The following CEP95 variants were observed in gnomAD, a reference collection of about 807,000 sequenced individuals.
CEP95 encodes centrosomal protein 95, also known as centrosomal protein of 95 kDa.
CEP95 carries 98 observed loss-of-function variants against 111.2 expected under a neutral mutation model. That is an observed-to-expected ratio of 0.88 (90% CI 0.75 to 1.04). The LOEUF (loss-of-function observed/expected upper bound fraction) is 1.04. Ranked by LOEUF, CEP95 falls within the 50% of genes least tolerant of loss-of-function variation. CEP95 has a pLI of 0.00. For missense variants in CEP95, 1,027 were observed against 977.2 expected, an observed-to-expected ratio of 1.05 and a Z score of -0.68; for synonymous variants, 323 against 327.1, an observed-to-expected ratio of 0.99 and a Z score of 0.14.
chr17:64,515,617 G>A (rs1349374628), intron 4 of CEP95: 11 of 152,130 alleles, frequency 7.2e-5, no homozygotes, highest in African/African-American at 2.4e-4. Context: ...AGGGGAGATC[G>A]GCAGTATGTG....
rs548148730 is a variant in CEP95, at chr17:64,511,823, G to C, written c.256+1543G>C. On this transcript the variant is annotated intron_variant, in intron 3 of 19. Coordinates refer to ENST00000556440, the MANE Select transcript of CEP95 (RefSeq NM_138363.3). ...AAGACAGGCATAAGAAGTTATAAAA[G>C]TATTAATTTGGGGAACTAATAAATG... Among the ~76,000 whole-genome samples the C allele has an allele frequency of 1.2e-4, 18 of 152,298 alleles. No individual in the cohort carries two copies. In the South Asian group the frequency reaches 3.7e-3, roughly 32 times the overall value.
chr17:64,508,020 C>A (rs2038665153), intron 1 of CEP95: 1 of 984,668 alleles, frequency 1.0e-6, no homozygotes, highest in African/African-American at 1.8e-5. Context: ...TCATATAGAT[C>A]GATATAATAA....
chr17:64,506,777 C>G, upstream of CEP95: 1 of 529,006 alleles, frequency 1.9e-6, no homozygotes, highest in Non-Finnish European at 3.4e-6. Context: ...GCTCGCACCC[C>G]GGGACCCGCC....
chr17:64,531,510 C>A (rs1379029168), intron 13 of CEP95, among the ~76,000 whole-genome samples: 2 of 152,068 alleles, frequency 1.3e-5, no homozygotes, highest in Non-Finnish European at 2.9e-5. Flanking sequence ...AGTATGGTTA[C>A]AACTAAGCAT....
At chr17:64,508,829 GTTTC>G (rs2038730752) in intron 2 of CEP95, 109 bp downstream of exon 2, 2 of 368,678 alleles carry the variant, frequency 5.4e-6, no homozygotes, top group East Asian at 5.4e-5. Context: ...CTCTTTGCTT[GTTTC>G]TTTTTTTAAT....
At chr17:64,522,571 G>A (rs1197390654) in intron 7 of CEP95, 131 bp from the exon 8 acceptor site, 2 of 559,940 alleles carry the variant, frequency 3.6e-6, no homozygotes, top group African/African-American at 1.9e-5. Flanking sequence ...ATTTTTTTAT[G>A]TGCTTTGTCT....
At chr17:64,535,907 C>T (rs1968621678) in intron 17 of CEP95, 1 of 152,228 alleles carries the variant, frequency 6.6e-6, no homozygotes, top group African/African-American at 2.4e-5. Flanking sequence ...TTCATACATA[C>T]TGCAGTATAG....
At chr17:64,516,676 T>G in intron 4 of CEP95, 47 bp from the exon 5 acceptor site, 1 of 1,149,446 alleles carries the variant, frequency 8.7e-7, no homozygotes, top group South Asian at 1.4e-5. Flanking sequence ...GAAAAAGTAG[T>G]ATTCACTTAG....
chr17:64,522,786 A>G lies in CEP95; in HGVS notation c.800A>G (p.Tyr267Cys), dbSNP rs782657808. 2 of 1,613,748 alleles carry G rather than the reference A, an allele frequency of 1.2e-6. No homozygotes were observed. The highest frequency in any genetic ancestry group is 1.7e-5 in the Admixed American group (1 of 59,990). ...IRAAIPLHPP[Y>C]HPSEPRAPCP... Reference sequence around the variant, plus strand: ...GCAGCTATTCCTTTACATCCACCCTACCACCCTTCAGAGCCTCGAGCACCC... The same window carrying G: ...GCAGCTATTCCTTTACATCCACCCTGCCACCCTTCAGAGCCTCGAGCACCC... Residue 267 changes from tyrosine to cysteine, a missense_variant, in exon 8 of 20, where the codon TAC (tyrosine) becomes TGC (cysteine). Physicochemically the swap from Tyr to Cys is radical, Grantham distance 194. Transcript: ENST00000556440.
At chr17:64,532,401 G>T in intron 14 of CEP95, 3 of 985,436 alleles carry the variant, frequency 3.0e-6, no homozygotes, top group African/African-American at 1.7e-5. Context: ...GTGCCAATGA[G>T]TGTAGAGTCT....
At chr17:64,528,300 C>T (rs1968015544) in intron 11 of CEP95, among the ~76,000 whole-genome samples, 1 of 152,044 alleles carries the variant, frequency 6.6e-6, no homozygotes, top group Non-Finnish European at 1.5e-5. Context: ...TTAACTTTTT[C>T]AGTTGTTTTT....
At chr17:64,537,209 C>CAT in intron 19 of CEP95, 97 bp downstream of exon 19, 1 of 1,531,944 alleles carries the variant, frequency 6.5e-7, no homozygotes, top group Non-Finnish European at 8.8e-7. Context: ...TAGGCTGTAT[C>CAT]ATATAGCCCC....
At chr17:64,507,534 C>CAGAATAGTAGAATATGCCCCTGT (rs2038623218) in intron 1 of CEP95, 3 of 1,100,770 alleles carry the variant, frequency 2.7e-6, no homozygotes, top group African/African-American at 1.7e-5. Flanking sequence ...TATGCCCCTG[C>CAGAATAGTAGAATATGCCCCTGT]AGAATAGTAG....
chr17:64,528,777 A>G (rs1320357231), intron 11 of CEP95, among the ~76,000 whole-genome samples: 1 of 152,230 alleles, frequency 6.6e-6, no homozygotes, highest in Non-Finnish European at 1.5e-5. Context: ...GTAGAAGGAA[A>G]TGGTTTATTA....
At chr17:64,527,349 A>G (rs1555679338) in intron 11 of CEP95, 85 bp downstream of exon 11, 8 of 1,015,422 alleles carry the variant, frequency 7.9e-6, no homozygotes, top group Non-Finnish European at 1.1e-5. Flanking sequence ...CTTATATTCT[A>G]ATTTTAAATA....
intron 8 of CEP95, among the ~76,000 whole-genome samples, chr17:64,524,527 G>A (rs2144467021): frequency 6.6e-6 from 1 of 152,034 alleles, no homozygotes; most frequent in East Asian, 1.9e-4. Flanking sequence ...TGTTGGCCAG[G>A]CTGGTCTCAA....
At chr17:64,521,955 C>A (rs1967375496) in intron 7 of CEP95, among the ~76,000 whole-genome samples, 1 of 152,130 alleles carries the variant, frequency 6.6e-6, no homozygotes. Flanking sequence ...CTCCTGGGTT[C>A]AAGCGATTCT....
chr17:64,532,561 A>C (rs1464239876), intron 14 of CEP95: 2 of 1,206,880 alleles, frequency 1.7e-6, no homozygotes, highest in African/African-American at 3.2e-5. Flanking sequence ...TACCGTACGT[A>C]GAGAATCTAC....
intron 8 of CEP95, 101 bp downstream of exon 8, chr17:64,522,996 AT>A: frequency 1.5e-5 from 13 of 863,988 alleles, no homozygotes; most frequent in Non-Finnish European, 2.3e-5. Flanking sequence ...GTGTATGTGT[AT>A]TGGTGAAGTC....
Sources: allele counts gnomAD v4.1 joint callset (sites outside exome capture counted in the v4.1 genomes callset), GRCh38; gene constraint gnomAD v4.1.1; transcripts MANE v1.5; gene names NCBI Gene and HGNC (gene_info 2026-07-23, HGNC 2026-07-21).